The following FSIP1 variants were observed in gnomAD, a reference collection of about 807,000 sequenced individuals.
FSIP1 encodes fibrous sheath-interacting protein 1.
Under a neutral mutation model 60.9 loss-of-function variants are expected in FSIP1, and 65 were observed. The observed-to-expected ratio is 1.07, with a 90% CI of 0.87 to 1.31. FSIP1 has a LOEUF of 1.31. Among genes scored for constraint, FSIP1 ranks in the 40% most tolerant of loss-of-function variants. FSIP1 has a pLI of 0.00. For missense variants in FSIP1, 675 were observed against 665.5 expected, an observed-to-expected ratio of 1.01 and a Z score of -0.16; for synonymous variants, 209 against 221.2, an observed-to-expected ratio of 0.94 and a Z score of 0.49.
intron 10 of FSIP1, among the ~76,000 whole-genome samples, chr15:39,706,698 C>T (rs1028062821): frequency 1.4e-4 from 22 of 152,266 alleles, no homozygotes; most frequent in African/African-American, 5.1e-4. Flanking sequence ...CCTTTAAATA[C>T]TGTGTGTTAC....
chr15:39,752,128 A>G (rs751301569), intron 5 of FSIP1, among the ~76,000 whole-genome samples: 1 of 151,970 alleles, frequency 6.6e-6, no homozygotes, highest in Non-Finnish European at 1.5e-5. Context: ...CCCATTGTCA[A>G]TTTTTGTTTT....
chr15:39,674,325 A>G (rs1329657893), intron 10 of FSIP1, among the ~76,000 whole-genome samples: 1 of 152,214 alleles, frequency 6.6e-6, no homozygotes, highest in Non-Finnish European at 1.5e-5. Flanking sequence ...AAGTGCTAGG[A>G]TTACAGGCGT....
intron 10 of FSIP1, among the ~76,000 whole-genome samples, chr15:39,654,925 T>C (rs564668596): frequency 5.9e-5 from 9 of 152,374 alleles, no homozygotes; most frequent in African/African-American, 2.2e-4. Context: ...TGAAATCACG[T>C]GTCTTCTGGA....
intron 10 of FSIP1, among the ~76,000 whole-genome samples, chr15:39,703,075 C>T (rs1471424515): frequency 6.6e-6 from 1 of 151,658 alleles, no homozygotes; most frequent in Non-Finnish European, 1.5e-5. Flanking sequence ...CTCCCCCTCC[C>T]GGGTTCAAGC....
At chr15:39,655,599 A>C (rs1893039489) in intron 10 of FSIP1, among the ~76,000 whole-genome samples, 1 of 152,106 alleles carries the variant, frequency 6.6e-6, no homozygotes. Flanking sequence ...TGGCTCCAAA[A>C]CTCAAAACCT....
intron 3 of FSIP1, among the ~76,000 whole-genome samples, chr15:39,766,987 G>C (rs950662484): frequency 1.3e-5 from 2 of 152,036 alleles, no homozygotes; most frequent in African/African-American, 4.8e-5. Context: ...CAGGACTACA[G>C]GTGCATGTCA....
At chr15:39,698,317 A>T (rs945962403) in intron 10 of FSIP1, among the ~76,000 whole-genome samples, 5 of 152,054 alleles carry the variant, frequency 3.3e-5, no homozygotes, top group African/African-American at 1.2e-4. Flanking sequence ...CTAGCAGAAG[A>T]TTTAAAATTA....
intron 10 of FSIP1, 71 bp from the exon 11 acceptor site, chr15:39,618,316 A>T: frequency 8.2e-7 from 1 of 1,212,410 alleles, no homozygotes; most frequent in Non-Finnish European, 1.2e-6. Context: ...GTAGGCATCC[A>T]GTAATACAAA....
At chr15:39,747,197 A>G (rs1482386262) in intron 5 of FSIP1, 1 of 152,194 alleles carries the variant, frequency 6.6e-6, no homozygotes, top group Non-Finnish European at 1.5e-5. Flanking sequence ...TTGAAGTCTA[A>G]GTTATATAAA....
chr15:39,602,433 G>T (rs939255120), intron 11 of FSIP1: 125 of 451,460 alleles, frequency 2.8e-4, no homozygotes, highest in Non-Finnish European at 5.3e-4. Flanking sequence ...TTTCTGTCAT[G>T]GTAAGTTGTT....
chr15:39,776,590 A>T (rs2140735225), intron 1 of FSIP1, 59 bp from the exon 2 acceptor site: 1 of 1,411,976 alleles, frequency 7.1e-7, no homozygotes, highest in Non-Finnish European at 9.8e-7. Context: ...ATCTTTCATT[A>T]GTTAGTATTA....
At chr15:39,646,690 T>C (rs11854797) in intron 10 of FSIP1, among the ~76,000 whole-genome samples, 24,829 of 149,790 alleles carry the variant, frequency 0.17, 2,356 homozygotes, top group East Asian at 0.32. Flanking sequence ...AGTGACACTG[T>C]GACACACTGT....
intron 10 of FSIP1, among the ~76,000 whole-genome samples, chr15:39,638,855 GT>G (rs1400386968): frequency 6.6e-6 from 1 of 150,414 alleles, no homozygotes; most frequent in Non-Finnish European, 1.5e-5. Context: ...TGTGTGTGTG[GT>G]GGGGGGTGGT....
intron 2 of FSIP1, among the ~76,000 whole-genome samples, chr15:39,772,052 T>C (rs1897906352): frequency 6.6e-6 from 1 of 152,150 alleles, no homozygotes; most frequent in African/African-American, 2.4e-5. Context: ...TTCACATCCA[T>C]CATCTCATAT....
At chr15:39,703,141 C>T (rs1895128972) in intron 10 of FSIP1, among the ~76,000 whole-genome samples, 1 of 149,308 alleles carries the variant, frequency 6.7e-6, no homozygotes, top group African/African-American at 2.6e-5. Context: ...CACCACCACA[C>T]CCGGCTAATT....
intron 2 of FSIP1, among the ~76,000 whole-genome samples, 183 bp downstream of exon 2, chr15:39,776,216 G>GGGAGGGGGGGAGGGAGGGAGGGAGGGAA (rs758628766): frequency 9.5e-6 from 1 of 105,254 alleles, no homozygotes; most frequent in Admixed American, 1.2e-4. Flanking sequence ...GAGGGAGGGA[G>GGGAGGGGGGGAGGGAGGGAGGGAGGGAA]GGAAGGAATG....
At chr15:39,669,492 G>T (rs1434089896) in intron 10 of FSIP1, among the ~76,000 whole-genome samples, 1 of 152,134 alleles carries the variant, frequency 6.6e-6, no homozygotes, top group African/African-American at 2.4e-5. Flanking sequence ...TTACATATTT[G>T]AAGTGCCAAG....
At chr15:39,755,560 C>A (rs1263398957) in intron 5 of FSIP1, among the ~76,000 whole-genome samples, 4 of 152,018 alleles carry the variant, frequency 2.6e-5, no homozygotes, top group African/African-American at 9.7e-5. Flanking sequence ...AATTAAAAAC[C>A]AAAATCCTTG....
At chr15:39,599,703 C>T (rs570663719), downstream of FSIP1, among the ~76,000 whole-genome samples, 2 of 152,282 alleles carry the variant, frequency 1.3e-5, no homozygotes, top group Admixed American at 6.5e-5. Context: ...TGATTCTTCC[C>T]ACCCAAACCC....
Sources: gnomAD v4.1 joint callset for allele counts (sites outside exome capture counted in the v4.1 genomes callset) on GRCh38, gnomAD v4.1.1 for gene constraint, MANE v1.5 for transcripts, NCBI Gene and HGNC (gene_info 2026-07-23, HGNC 2026-07-21) for gene names.